UBE3B: variants seen among roughly 807,000 people sequenced by gnomAD.
UBE3B encodes the protein ubiquitin protein ligase E3B, also known as ubiquitin-protein ligase E3B.
UBE3B carries 80 observed loss-of-function variants against 132.3 expected under a neutral mutation model. The observed-to-expected ratio is 0.60, with a 90% CI of 0.50 to 0.73. The LOEUF is 0.73. Ranked by LOEUF, UBE3B falls within the 30% of genes least tolerant of loss-of-function variation. The pLI, the probability that UBE3B is intolerant of heterozygous loss-of-function variation, is 0.00. For synonymous variants in UBE3B, 487 were observed against 520.4 expected, an observed-to-expected ratio of 0.94 and a Z score of 0.87; for missense variants, 1,196 against 1,362.5, an observed-to-expected ratio of 0.88 and a Z score of 1.92.
At chr12:109,498,039 T>C in intron 10 of UBE3B, 116 bp downstream of exon 10, 1 of 1,345,550 alleles carries the variant, frequency 7.4e-7, no homozygotes. Flanking sequence ...TTAATTGTTC[T>C]TTGGGACCAG....
downstream of UBE3B, among the ~76,000 whole-genome samples, chr12:109,539,868 C>G (rs143061964): frequency 6.6e-6 from 1 of 152,206 alleles, no homozygotes; most frequent in East Asian, 1.9e-4. Context: ...AGCTCCTCCA[C>G]CCGGGGACCA....
At position 109,511,321 on chromosome 12, in the gene UBE3B, C is replaced by T; in HGVS notation, c.1956+18C>T. 6.2e-7 allele frequency: 1 copy of T among 1,611,346 alleles called. No homozygotes were observed. The highest frequency in any genetic ancestry group is 8.5e-7 in the Non-Finnish European group (1 of 1,177,786). On this transcript the variant is annotated intron_variant, in intron 18 of 27. Transcript: ENST00000342494. Reference sequence around the variant, plus strand: ...ACAAAAACGTGAGTTGCACTCAGAGCTGGGCCCCGATGTGTCTTTCTATTC... The same window carrying T: ...ACAAAAACGTGAGTTGCACTCAGAGTTGGGCCCCGATGTGTCTTTCTATTC...
intron 18 of UBE3B, among the ~76,000 whole-genome samples, chr12:109,512,821 T>C (rs1235494784): frequency 1.3e-5 from 2 of 152,214 alleles, no homozygotes; most frequent in Admixed American, 6.5e-5. Context: ...CTTACGGCAA[T>C]TACTTAATCA....
intron 1 of UBE3B, among the ~76,000 whole-genome samples, chr12:109,479,490 TAGA>T (rs1874976460): frequency 1.3e-5 from 2 of 152,180 alleles, no homozygotes; most frequent in Admixed American, 6.5e-5. Context: ...AAATGTCGGA[TAGA>T]AGGAGTACTA....
chr12:109,524,492 G>A lies in UBE3B; in HGVS notation c.2557G>A (p.Val853Ile), dbSNP rs374684265. ...LGLTLSYDED[V>I]MGQLVCHELI... ...CCTGACGCTGTCTTACGACGAGGACGTCATGGGTCAGGTAGGTCCGCCCTT... is the reference window on the plus strand; with the variant it reads ...CCTGACGCTGTCTTACGACGAGGACATCATGGGTCAGGTAGGTCCGCCCTT... Residue 853 changes from valine (V) to isoleucine (I), a missense_variant, in exon 23 of 28, where the codon GTC becomes ATC. Transcript: ENST00000342494. The A allele has an allele frequency of 4.6e-5, 74 of 1,614,118 alleles. No individual in the cohort carries two copies. Among genetic ancestry groups the A allele is most frequent in the South Asian group, 1.9e-4 (17 of 91,074 alleles).
chr12:109,544,188 A>G, the UBE3B span, among the ~76,000 whole-genome samples: 1 of 152,174 alleles, frequency 6.6e-6, no homozygotes, highest in Non-Finnish European at 1.5e-5. Flanking sequence ...TCATTCTCCA[A>G]ACGTGGACAT....
At chr12:109,492,702 T>C (rs1433127298) in intron 9 of UBE3B, 2 of 150,526 alleles carry the variant, frequency 1.3e-5, no homozygotes, top group Non-Finnish European at 2.9e-5. Flanking sequence ...GTGATTGAGC[T>C]TCTCCAGCCT....
At chr12:109,542,589 T>C in the UBE3B span, among the ~76,000 whole-genome samples, 5 of 152,182 alleles carry the variant, frequency 3.3e-5, no homozygotes, top group Admixed American at 6.5e-5. Flanking sequence ...TGAGGTCATA[T>C]AGGAGTAGGG....
Position 109,491,105 on chromosome 12 carries a change from G to A in UBE3B, c.691G>A (p.Ala231Thr), listed in dbSNP as rs773652159. 6 of 1,614,036 alleles carry A rather than the reference G, an allele frequency of 3.7e-6. No individual in the cohort carries two copies. Among genetic ancestry groups the A allele is most frequent in the Non-Finnish European group, 4.2e-6 (5 of 1,179,910 alleles). Residue 231 changes from alanine (A) to threonine (T), a missense_variant, in exon 9 of 28, where the codon GCA becomes ACA. Physicochemically the swap from Ala to Thr is moderately conservative, Grantham distance 58. Transcript: ENST00000342494. Reference protein sequence around the residue: ...RPCLSKGTLTAAFSLALRPVI... With the variant: ...RPCLSKGTLTTAFSLALRPVI... ...TTGTCTATCCAAAGGCACTTTAACA[G>A]CAGCTTTTTCTCTAGCGTTACGGTG...
intron 14 of UBE3B, 67 bp from the exon 15 acceptor site, chr12:109,507,497 G>A: frequency 6.5e-7 from 1 of 1,530,216 alleles, no homozygotes; most frequent in Non-Finnish European, 8.8e-7. Flanking sequence ...TTCCCCACTG[G>A]ATAGGAGAAA....
chr12:109,509,752 T>C, intron 16 of UBE3B, 38 bp downstream of exon 16: 1 of 1,417,244 alleles, frequency 7.1e-7, no homozygotes, highest in Non-Finnish European at 9.8e-7. Flanking sequence ...TGGTTGATGC[T>C]GCACCCAGGG....
chr12:109,501,251 A>G, intron 12 of UBE3B, 120 bp from the exon 13 acceptor site: 1 of 1,212,616 alleles, frequency 8.2e-7, no homozygotes, highest in South Asian at 1.3e-5. Context: ...CTTCTTTGCC[A>G]TGTTGAGTGC....
intron 21 of UBE3B, 33 bp from the exon 22 acceptor site, chr12:109,523,945 C>G (rs1205709651): frequency 1.2e-6 from 2 of 1,612,120 alleles, no homozygotes; most frequent in Non-Finnish European, 8.5e-7. Flanking sequence ...AGAATCCTGG[C>G]TGATGGACAG....
At chr12:109,530,106 T>C (rs970990548) in intron 25 of UBE3B, 34 bp downstream of exon 25, 2 of 1,609,978 alleles carry the variant, frequency 1.2e-6, no homozygotes, top group Non-Finnish European at 1.7e-6. Context: ...GTGAAATTCC[T>C]TGGCCTCCCA....
At chr12:109,508,653 C>A in intron 15 of UBE3B, 1 of 985,612 alleles carries the variant, frequency 1.0e-6, no homozygotes, top group Non-Finnish European at 1.2e-6. Context: ...GAAGAACTCA[C>A]TGAGCAGTTG....
Position 109,497,925 on chromosome 12 carries a change from TA to T in UBE3B, c.819+4del, listed in dbSNP as rs1198087900. On this transcript the variant is annotated splice_donor_region_variant and intron_variant, in intron 10 of 27. Coordinates refer to ENST00000342494, the MANE Select transcript of UBE3B (RefSeq NM_130466.4). ...CATCTCAGCACAGTGACCCCTGAGG[TA>T]AGCAGGCTCTGTGAGTTCCCCGTGA... is the stretch of plus-strand genomic sequence containing the variant. The T allele has an allele frequency of 6.2e-7, 1 of 1,614,054 alleles. No individual in the cohort carries two copies. Among genetic ancestry groups the T allele is most frequent in the Admixed American group, 1.7e-5 (1 of 60,000 alleles).
chr12:109,519,548 A>G (rs952185788), intron 19 of UBE3B: 2 of 152,238 alleles, frequency 1.3e-5, no homozygotes, highest in African/African-American at 2.4e-5. Context: ...AAACGCATCT[A>G]CTAATGCGTG....
intron 8 of UBE3B, chr12:109,490,410 A>C: frequency 6.6e-7 from 1 of 1,525,402 alleles, no homozygotes; most frequent in South Asian, 1.2e-5. Flanking sequence ...ATTGTTGAGA[A>C]AGCCTGATTG....
At chr12:109,509,529 G>C (rs1880098298) in intron 15 of UBE3B, 67 bp from the exon 16 acceptor site, 2 of 986,156 alleles carry the variant, frequency 2.0e-6, no homozygotes, top group African/African-American at 3.3e-5. Flanking sequence ...CTAGTAAGCA[G>C]TACAGATTTT....
Sources: allele counts gnomAD v4.1 joint callset (sites outside exome capture counted in the v4.1 genomes callset), GRCh38; gene constraint gnomAD v4.1.1; transcripts MANE v1.5; gene names NCBI Gene and HGNC (gene_info 2026-07-23, HGNC 2026-07-21).